Variants in AGBL1 observed in about 807,000 individuals in gnomAD.
AGBL1 encodes cytosolic carboxypeptidase 4.
Under a neutral mutation model 118.9 loss-of-function variants are expected in AGBL1, and 130 were observed. The ratio of observed to expected loss-of-function variants is 1.09; its 90% CI spans 0.95 to 1.26. The LOEUF (loss-of-function observed/expected upper bound fraction) is 1.26, where lower values mean the gene tolerates loss of function less well. Ranked by LOEUF, AGBL1 falls within the 50% of genes most tolerant of loss-of-function variation. The probability of loss-of-function intolerance (pLI) is 0.00; values close to 1 mark genes in which losing one functional copy is unlikely to be tolerated. For synonymous variants in AGBL1, 555 were observed against 478.9 expected (o/e 1.16, Z -2.08); for missense variants, 1,584 against 1,298.1 (o/e 1.22, Z -3.38).
intron 1 of AGBL1, among the ~76,000 whole-genome samples, chr15:86,130,203 T>C (rs2141606450): frequency 6.6e-6 from 1 of 152,200 alleles, no homozygotes; most frequent in Non-Finnish European, 1.5e-5. Context: ...GGCACACCTG[T>C]CCTCTGAGAC....
At chr15:86,663,811 G>T (rs548076874) in intron 21 of AGBL1, among the ~76,000 whole-genome samples, 1 of 152,126 alleles carries the variant, frequency 6.6e-6, no homozygotes, top group Non-Finnish European at 1.5e-5. Flanking sequence ...TGGCTCTACT[G>T]CTACTTAATT....
At chr15:86,365,994 T>C (rs531188344) in intron 17 of AGBL1, among the ~76,000 whole-genome samples, 1 of 152,060 alleles carries the variant, frequency 6.6e-6, no homozygotes, top group South Asian at 2.1e-4. Context: ...CAAAGCAGAG[T>C]GGATTCTGTG....
At chr15:87,026,533 T>G (rs1000052433) in intron 24 of AGBL1, among the ~76,000 whole-genome samples, 4 of 152,052 alleles carry the variant, frequency 2.6e-5, no homozygotes, top group African/African-American at 9.7e-5. Flanking sequence ...AGGGAACACT[T>G]CTACACTGCT....
chr15:86,406,379 CCTGT>C (rs1432522329), intron 18 of AGBL1, among the ~76,000 whole-genome samples: 1 of 152,060 alleles, frequency 6.6e-6, no homozygotes, highest in Non-Finnish European at 1.5e-5. Context: ...TTCTTAGCAC[CCTGT>C]CTATGTGACT....
chr15:86,607,285 T>C (rs1460472454), intron 21 of AGBL1, among the ~76,000 whole-genome samples: 3 of 152,148 alleles, frequency 2.0e-5, no homozygotes, highest in Non-Finnish European at 2.9e-5. Context: ...GGAAGCCAAT[T>C]GGGGTTTCTA....
intron 22 of AGBL1, among the ~76,000 whole-genome samples, chr15:86,846,693 G>A (rs1367473069): frequency 6.6e-6 from 1 of 152,020 alleles, no homozygotes; most frequent in Non-Finnish European, 1.5e-5. Context: ...CATCATACCT[G>A]GCAAATTTTT....
intron 16 of AGBL1, 54 bp from the exon 17 acceptor site, chr15:86,295,201 T>C (rs1253169623): frequency 1.9e-6 from 3 of 1,576,348 alleles, no homozygotes; most frequent in East Asian, 4.6e-5. Context: ...TTTTCTATTA[T>C]TGTTGTTATA....
chr15:86,389,684 A>G (rs2081248225), intron 17 of AGBL1, among the ~76,000 whole-genome samples: 2 of 152,210 alleles, frequency 1.3e-5, no homozygotes, highest in South Asian at 4.1e-4. Context: ...TATGTAGTGG[A>G]AACTAAAATA....
intron 23 of AGBL1, among the ~76,000 whole-genome samples, chr15:86,924,895 G>A (rs1336755782): frequency 6.6e-6 from 1 of 151,616 alleles, no homozygotes; most frequent in East Asian, 1.9e-4. Flanking sequence ...CTAACATGGT[G>A]AAACCCCGTC....
intron 17 of AGBL1, among the ~76,000 whole-genome samples, chr15:86,358,561 A>C (rs2080756740): frequency 6.6e-6 from 1 of 151,910 alleles, no homozygotes; most frequent in Non-Finnish European, 1.5e-5. Flanking sequence ...GGGATTGCTG[A>C]ATTATGTGGT....
chr15:86,572,967 C>T (rs188493840), intron 21 of AGBL1, among the ~76,000 whole-genome samples: 4 of 152,354 alleles, frequency 2.6e-5, no homozygotes, highest in African/African-American at 7.2e-5. Context: ...CTATTTCTAA[C>T]AGTAAGCAAT....
At position 86,567,726 on chromosome 15, in the gene AGBL1, C is replaced by T. The variant is rs76121399; in HGVS notation, c.2994+13189C>T. ...AATCTGAGGAGAGATTGAGGACCAC[C>T]TCAAACCTTAGTGTGCATGAGAATC... On this transcript the variant is annotated intron_variant, in intron 21 of 22. Coordinates refer to ENST00000614907, the MANE Select transcript of AGBL1 (RefSeq NM_001386094.1). Among the ~76,000 whole-genome samples, 582 of 152,212 alleles carry T rather than the reference C, an allele frequency of 3.8e-3. 2 individuals carry two copies. Among genetic ancestry groups the T allele is most frequent in the African/African-American group, 0.014 (568 of 41,532 alleles).
intron 22 of AGBL1, among the ~76,000 whole-genome samples, chr15:86,719,958 G>A (rs1236064619): frequency 3.9e-5 from 6 of 152,154 alleles, no homozygotes; most frequent in Non-Finnish European, 7.3e-5. Context: ...CTCCTTAGCC[G>A]ATTTTTCCCT....
At chr15:86,465,396 A>G (rs116204372) in intron 18 of AGBL1, among the ~76,000 whole-genome samples, 76 of 152,340 alleles carry the variant, frequency 5.0e-4, no homozygotes, top group African/African-American at 1.8e-3. Flanking sequence ...GTGTTTGAAC[A>G]ATATGAAATC....
At chr15:86,446,261 A>G (rs1266959820) in intron 18 of AGBL1, among the ~76,000 whole-genome samples, 2 of 152,194 alleles carry the variant, frequency 1.3e-5, no homozygotes, top group African/African-American at 4.8e-5. Context: ...AGTTGAGCAT[A>G]TTAAACCTTC....
chr15:86,817,874 C>A (rs372585440), intron 22 of AGBL1, among the ~76,000 whole-genome samples: 3 of 152,172 alleles, frequency 2.0e-5, no homozygotes, highest in African/African-American at 7.2e-5. Flanking sequence ...TCTAATATAA[C>A]TGACATCCTT....
intron 22 of AGBL1, among the ~76,000 whole-genome samples, chr15:86,765,926 G>C (rs1463514543): frequency 6.6e-6 from 1 of 151,916 alleles, no homozygotes; most frequent in African/African-American, 2.4e-5. Context: ...GCTGAGCCTA[G>C]TTTAGTCAGC....
intron 18 of AGBL1, among the ~76,000 whole-genome samples, chr15:86,410,906 A>AATATATATAATATTATATG (rs1567243096): frequency 1.6e-5 from 2 of 122,322 alleles, no homozygotes; most frequent in East Asian, 4.9e-4. Flanking sequence ...AATATTATAT[A>AATATATATAATATTATATG]TAATATATGT....
At chr15:86,726,914 A>C (rs573418243) in intron 22 of AGBL1, among the ~76,000 whole-genome samples, 19 of 152,290 alleles carry the variant, frequency 1.2e-4, no homozygotes, top group African/African-American at 4.6e-4. Flanking sequence ...TTAGTTTCTG[A>C]CAAGGCTACA....
Sources: allele counts gnomAD v4.1 joint callset (sites outside exome capture counted in the v4.1 genomes callset), GRCh38; gene constraint gnomAD v4.1.1; transcripts MANE v1.5; gene names NCBI Gene and HGNC (gene_info 2026-07-23, HGNC 2026-07-21).